ENOX1: variants seen among roughly 807,000 people sequenced by gnomAD.
The protein encoded by ENOX1 is ecto-NOX disulfide-thiol exchanger 1, also known as candidate growth-related and time keeping constitutive hydroquinone (NADH) oxidase.
Under a neutral mutation model 82.5 loss-of-function variants are expected in ENOX1, and 42 were observed. That is an observed-to-expected ratio of 0.51 (90% CI 0.40 to 0.66). ENOX1 has a LOEUF of 0.66. Among genes scored for constraint, ENOX1 ranks in the 30% least tolerant of loss-of-function variants. The probability of loss-of-function intolerance (pLI) is 0.00; values close to 1 mark genes in which losing one functional copy is unlikely to be tolerated. For synonymous variants in ENOX1, 271 were observed against 282.2 expected (o/e 0.96, Z 0.40); for missense variants, 608 against 811.6 (o/e 0.75, Z 3.05).
chr13:43,374,249 C>CTTTTCTT (rs2051457564), intron 5 of ENOX1, among the ~76,000 whole-genome samples: 1 of 127,968 alleles, frequency 7.8e-6, no homozygotes. Flanking sequence ...CTTTTCTTTT[C>CTTTTCTT]TTTTTTTTTT....
At chr13:43,364,076 GA>G (rs1021095709) in intron 5 of ENOX1, among the ~76,000 whole-genome samples, 3 of 149,522 alleles carry the variant, frequency 2.0e-5, no homozygotes, top group African/African-American at 7.4e-5. Flanking sequence ...TAGACTTTAA[GA>G]AAAAAAAAGA....
chr13:43,667,638 G>T, intron 1 of ENOX1, 94 bp from the exon 2 acceptor site: 1 of 300,526 alleles, frequency 3.3e-6, no homozygotes, highest in Non-Finnish European at 4.9e-6. Context: ...GCAAGGTTTC[G>T]CCTGCAAAGT....
intron 14 of ENOX1, among the ~76,000 whole-genome samples, chr13:43,259,662 GAC>G (rs1356574346): frequency 2.0e-5 from 3 of 152,152 alleles, no homozygotes; most frequent in African/African-American, 7.2e-5. Flanking sequence ...TTTTAGTAGA[GAC>G]AGGGTTTCAC....
intron 2 of ENOX1, among the ~76,000 whole-genome samples, chr13:43,592,011 G>T (rs1201684295): frequency 5.3e-5 from 8 of 151,758 alleles, no homozygotes; most frequent in Admixed American, 6.6e-5. Context: ...CCAGCCTGTG[G>T]ACCACTTACA....
chr13:43,309,804 C>T (rs912296793), intron 11 of ENOX1, among the ~76,000 whole-genome samples: 5 of 147,940 alleles, frequency 3.4e-5, no homozygotes, highest in African/African-American at 1.2e-4. Flanking sequence ...TTTCTCACAT[C>T]CCCACAAAAA....
intron 2 of ENOX1, among the ~76,000 whole-genome samples, chr13:43,575,599 A>C (rs1250080364): frequency 6.6e-6 from 1 of 152,210 alleles, no homozygotes; most frequent in Non-Finnish European, 1.5e-5. Context: ...AAATCTTCTC[A>C]AGAGGATTAT....
chr13:43,719,451 G>A (rs2088407419), intron 1 of ENOX1, among the ~76,000 whole-genome samples: 1 of 151,928 alleles, frequency 6.6e-6, no homozygotes, highest in Non-Finnish European at 1.5e-5. Flanking sequence ...TCAATGCAGC[G>A]CCTGGGCATT....
chr13:43,756,267 A>G (rs929469676), intron 1 of ENOX1, among the ~76,000 whole-genome samples: 1 of 151,746 alleles, frequency 6.6e-6, no homozygotes, highest in African/African-American at 2.4e-5. Context: ...TCTCTACATG[A>G]TATATAGAAA....
chr13:43,438,460 A>G (rs1407103754), intron 3 of ENOX1, among the ~76,000 whole-genome samples: 1 of 152,230 alleles, frequency 6.6e-6, no homozygotes, highest in Non-Finnish European at 1.5e-5. Flanking sequence ...GGTAACATTC[A>G]AAAATGAATC....
chr13:43,496,786 C>A (rs1006293849), intron 2 of ENOX1, among the ~76,000 whole-genome samples: 2 of 152,176 alleles, frequency 1.3e-5, no homozygotes, highest in Non-Finnish European at 2.9e-5. Flanking sequence ...ATATTCTGTT[C>A]CATTGATCTA....
At chr13:43,754,252 T>C (rs1287958245) in intron 1 of ENOX1, among the ~76,000 whole-genome samples, 1 of 145,562 alleles carries the variant, frequency 6.9e-6, no homozygotes, top group African/African-American at 2.6e-5. Flanking sequence ...TATATACACA[T>C]ATATACATAT....
At chr13:43,441,331 T>C (rs966818720) in intron 3 of ENOX1, among the ~76,000 whole-genome samples, 4 of 152,226 alleles carry the variant, frequency 2.6e-5, no homozygotes, top group Non-Finnish European at 5.9e-5. Context: ...AATTACATTC[T>C]ACTAAGCTAA....
At chr13:43,725,702 A>G (rs896615041) in intron 1 of ENOX1, among the ~76,000 whole-genome samples, 1 of 151,246 alleles carries the variant, frequency 6.6e-6, no homozygotes, top group Non-Finnish European at 1.5e-5. Context: ...ACGGTGACTC[A>G]CTCCTGTAAT....
At chr13:43,419,801 T>C (rs756664165) in intron 3 of ENOX1, among the ~76,000 whole-genome samples, 4 of 152,198 alleles carry the variant, frequency 2.6e-5, no homozygotes, top group Non-Finnish European at 2.9e-5. Context: ...TAAAACCTCA[T>C]CTCTACTGAA....
intron 5 of ENOX1, among the ~76,000 whole-genome samples, chr13:43,379,568 T>C (rs959000192): frequency 6.6e-6 from 1 of 152,012 alleles, no homozygotes; most frequent in Non-Finnish European, 1.5e-5. Flanking sequence ...GATTTGATGA[T>C]TTATTTAAAA....
intron 1 of ENOX1, among the ~76,000 whole-genome samples, chr13:43,705,027 A>C (rs924151398): frequency 1.3e-5 from 2 of 152,142 alleles, no homozygotes; most frequent in African/African-American, 4.8e-5. Context: ...TGGATATTGG[A>C]TATTATCCAA....
intron 9 of ENOX1, among the ~76,000 whole-genome samples, chr13:43,332,701 T>C (rs2048476556): frequency 6.6e-6 from 1 of 152,186 alleles, no homozygotes. Context: ...TTAATGCATA[T>C]ATTTAAAAAT....
At chr13:43,605,280 G>A (rs147617932) in intron 2 of ENOX1, among the ~76,000 whole-genome samples, 47 of 152,026 alleles carry the variant, frequency 3.1e-4, no homozygotes, top group African/African-American at 1.1e-3. Context: ...AAATACCAAT[G>A]ACATTCTTCA....
chr13:43,496,290 T>C (rs1006253143), intron 2 of ENOX1, among the ~76,000 whole-genome samples: 1 of 152,124 alleles, frequency 6.6e-6, no homozygotes, highest in East Asian at 1.9e-4. Context: ...TAATTCAAAG[T>C]ATATACTTTG....
Sources: gnomAD v4.1 joint callset for allele counts (sites outside exome capture counted in the v4.1 genomes callset) on GRCh38, gnomAD v4.1.1 for gene constraint, MANE v1.5 for transcripts, NCBI Gene and HGNC (gene_info 2026-07-23, HGNC 2026-07-21) for gene names.